Variants in CNBD1 observed in about 807,000 individuals in gnomAD.
CNBD1 encodes cyclic nucleotide binding domain containing 1.
In CNBD1, 71 loss-of-function variants were observed where a neutral mutation model predicts 54.4. The ratio of observed to expected loss-of-function variants is 1.30; its 90% CI spans 1.08 to 1.59. The LOEUF (loss-of-function observed/expected upper bound fraction) is 1.59, where lower values mean the gene tolerates loss of function less well. CNBD1 is among the 40% of genes most tolerant of loss of function. The pLI, the probability that CNBD1 is intolerant of heterozygous loss-of-function variation, is 0.00. For missense variants in CNBD1, 659 were observed against 518.0 expected (o/e 1.27, Z -2.64); for synonymous variants, 182 against 170.7 (o/e 1.07, Z -0.51).
At chr8:86,983,504 G>T (rs1439491055) in intron 4 of CNBD1, among the ~76,000 whole-genome samples, 11 of 152,158 alleles carry the variant, frequency 7.2e-5, no homozygotes, top group Non-Finnish European at 2.9e-5. Flanking sequence ...GAAGAAGACA[G>T]AAAAATGTGA....
chr8:87,406,369 A>G (rs1807652564), intron 2 of CNBD1, among the ~76,000 whole-genome samples: 2 of 151,834 alleles, frequency 1.3e-5, no homozygotes, highest in African/African-American at 2.4e-5. Context: ...TAAATTCTCA[A>G]TGCATTAAAA....
In CNBD1 at chr8:87,030,846, CT is replaced by C. The variant is rs1563441833; in HGVS notation, c.431+91093del. On this transcript the variant is annotated intron_variant, in intron 4 of 10. Coordinates refer to ENST00000518476, the MANE Select transcript of CNBD1 (RefSeq NM_173538.3). Reference sequence around the variant, plus strand: ...TCCTCCTCCCCTTCTCCCCCCTCCCCTCTCCTCCCTCTCCTCCCTCTCCTCC... The same window carrying C: ...TCCTCCTCCCCTTCTCCCCCCTCCCCCTCCTCCCTCTCCTCCCTCTCCTCC... Among the ~76,000 whole-genome samples the C allele has an allele frequency of 3.5e-3, 385 of 111,152 alleles. 3 individuals are homozygous for C. Among genetic ancestry groups the C allele is most frequent in the African/African-American group, 0.014 (359 of 25,706 alleles). 72.9% of individuals were successfully genotyped at this position (111,152 alleles called of 152,430 possible).
intron 4 of CNBD1, among the ~76,000 whole-genome samples, chr8:87,145,415 G>T (rs1397208037): frequency 6.6e-6 from 1 of 151,968 alleles, no homozygotes; most frequent in African/African-American, 2.4e-5. Context: ...GTTAACCAAA[G>T]AAACTTTTAA....
chr8:87,054,123 G>T (rs1319007821), intron 4 of CNBD1, among the ~76,000 whole-genome samples: 1 of 152,202 alleles, frequency 6.6e-6, no homozygotes, highest in Admixed American at 6.5e-5. Context: ...GATGAGAGAA[G>T]AGTTGGGAAA....
intron 8 of CNBD1, among the ~76,000 whole-genome samples, chr8:87,315,111 G>A (rs1042326748): frequency 1.3e-5 from 2 of 151,112 alleles, no homozygotes; most frequent in African/African-American, 4.9e-5. Flanking sequence ...CAGATTAATT[G>A]AAGAACTAAG....
chr8:87,387,398 A>G (rs562825611), downstream of CNBD1, among the ~76,000 whole-genome samples: 2,605 of 151,760 alleles, frequency 0.017, 70 homozygotes, highest in African/African-American at 0.057. Flanking sequence ...TCAAAATAAA[A>G]GGATGGAGGA....
At chr8:86,991,392 G>C (rs1328725458) in intron 4 of CNBD1, among the ~76,000 whole-genome samples, 3 of 149,452 alleles carry the variant, frequency 2.0e-5, no homozygotes, top group East Asian at 1.9e-4. Context: ...CACTCTCTCT[G>C]TCTCTCTCTC....
intron 4 of CNBD1, among the ~76,000 whole-genome samples, chr8:87,042,396 C>A (rs1383472208): frequency 6.6e-6 from 1 of 152,130 alleles, no homozygotes; most frequent in African/African-American, 2.4e-5. Flanking sequence ...GTAGTGGTGT[C>A]TGCCTTTCTG....
chr8:86,917,049 T>G lies in CNBD1; in HGVS notation c.272+11855T>G, dbSNP rs1028857511. On this transcript the variant is annotated intron_variant, in intron 3 of 10. Coordinates refer to ENST00000518476, the MANE Select transcript of CNBD1 (RefSeq NM_173538.3). ...CCGTGCCCAGCTAATTTATGTATTTTTTAGTAGAGATGGGGTTTCACCATG... is the reference window on the plus strand; with the variant it reads ...CCGTGCCCAGCTAATTTATGTATTTGTTAGTAGAGATGGGGTTTCACCATG... Among the ~76,000 whole-genome samples, 23 of 152,096 alleles carry G rather than the reference T, an allele frequency of 1.5e-4. No individual in the cohort carries two copies. The East Asian group carries it at 4.3e-3, about 28-fold the overall frequency.
intron 6 of CNBD1, among the ~76,000 whole-genome samples, chr8:87,260,626 C>T (rs886846215): frequency 2.6e-5 from 4 of 152,020 alleles, no homozygotes; most frequent in African/African-American, 9.7e-5. Flanking sequence ...AAACTCTTAC[C>T]CTTTTGCCAG....
intron 4 of CNBD1, among the ~76,000 whole-genome samples, chr8:86,979,636 C>T (rs1404686936): frequency 1.3e-5 from 2 of 151,974 alleles, no homozygotes; most frequent in Non-Finnish European, 2.9e-5. Context: ...AATGATTTCT[C>T]TCAAAGAAAT....
At chr8:87,250,497 A>G (rs1245317553) in intron 6 of CNBD1, among the ~76,000 whole-genome samples, 1 of 152,206 alleles carries the variant, frequency 6.6e-6, no homozygotes, top group Non-Finnish European at 1.5e-5. Flanking sequence ...GAATGAAATC[A>G]GTATATCAAA....
intron 4 of CNBD1, among the ~76,000 whole-genome samples, chr8:87,173,320 C>T: frequency 6.6e-6 from 1 of 152,078 alleles, no homozygotes; most frequent in African/African-American, 2.4e-5. Flanking sequence ...GTTTACACAC[C>T]ACAATTACGG....
chr8:86,897,821 T>G (rs963561166), intron 2 of CNBD1, among the ~76,000 whole-genome samples: 1 of 152,198 alleles, frequency 6.6e-6, no homozygotes, highest in Non-Finnish European at 1.5e-5. Flanking sequence ...TATGTGTTTA[T>G]AATTAACTAT....
intron 4 of CNBD1, among the ~76,000 whole-genome samples, chr8:87,035,699 G>A (rs7015673): frequency 0.03 from 4,569 of 152,210 alleles, 236 homozygotes; most frequent in African/African-American, 0.1. Flanking sequence ...ATCACAAATG[G>A]CAGTGGCTTA....
intron 4 of CNBD1, among the ~76,000 whole-genome samples, chr8:87,099,316 G>C (rs758569406): frequency 6.6e-6 from 1 of 152,166 alleles, no homozygotes; most frequent in Non-Finnish European, 1.5e-5. Context: ...CTGTGGGACA[G>C]ATCACTGTAA....
intron 6 of CNBD1, among the ~76,000 whole-genome samples, chr8:87,241,944 C>A (rs183601919): frequency 8.5e-5 from 13 of 152,148 alleles, no homozygotes; most frequent in African/African-American, 3.1e-4. Flanking sequence ...TTCTAAGCCC[C>A]CAGCCAACTG....
intron 2 of CNBD1, among the ~76,000 whole-genome samples, chr8:87,404,511 GA>G (rs1563588986): frequency 1.3e-5 from 2 of 151,998 alleles, no homozygotes; most frequent in African/African-American, 4.8e-5. Flanking sequence ...CATTTGCAAG[GA>G]CTAGTTATTT....
intron 2 of CNBD1, among the ~76,000 whole-genome samples, chr8:87,423,894 G>A (rs185457324): frequency 0.015 from 2,261 of 152,232 alleles, 58 homozygotes; most frequent in African/African-American, 0.049. Context: ...TGGCTGTGAA[G>A]CCATCTAGTC....
Sources: gnomAD v4.1 joint callset for allele counts (sites outside exome capture counted in the v4.1 genomes callset) on GRCh38, gnomAD v4.1.1 for gene constraint, MANE v1.5 for transcripts, NCBI Gene and HGNC (gene_info 2026-07-23, HGNC 2026-07-21) for gene names.